SLC2A9: variants seen among roughly 807,000 people sequenced by gnomAD.
The protein encoded by SLC2A9 is solute carrier family 2 member 9.
SLC2A9 carries 39 observed loss-of-function variants against 50.6 expected under a neutral mutation model. The ratio of observed to expected loss-of-function variants is 0.77; its 90% CI spans 0.60 to 1.01. The LOEUF (loss-of-function observed/expected upper bound fraction) is 1.01, where lower values mean the gene tolerates loss of function less well. SLC2A9 is among the 50% of genes least tolerant of loss of function. The pLI is 0.00. For missense variants in SLC2A9, 686 were observed against 677.6 expected, an observed-to-expected ratio of 1.01 and a Z score of -0.14; for synonymous variants, 324 against 276.9, an observed-to-expected ratio of 1.17 and a Z score of -1.69.
intron 10 of SLC2A9, among the ~76,000 whole-genome samples, chr4:9,859,821 C>T (rs369186865): frequency 3.9e-5 from 6 of 152,238 alleles, no homozygotes; most frequent in Admixed American, 2.0e-4. Context: ...AGTCAGGGAG[C>T]GCCTGCTCTC....
At chr4:9,778,062 T>A (rs367687634), downstream of SLC2A9, among the ~76,000 whole-genome samples, 1 of 11,046 alleles carries the variant, frequency 9.1e-5, no homozygotes, top group African/African-American at 3.0e-4. Context: ...CTTTCCTTCC[T>A]TCCTTCCTTC....
chr4:10,035,763 G>A (rs1446584728), intron 1 of SLC2A9: 1 of 152,310 alleles, frequency 6.6e-6, no homozygotes, highest in Non-Finnish European at 1.5e-5. Context: ...AGAAAAAAAG[G>A]CATTTCTTTT....
chr4:9,918,500 A>AGGGG (rs1368388049), intron 7 of SLC2A9, among the ~76,000 whole-genome samples: 1 of 152,054 alleles, frequency 6.6e-6, no homozygotes, highest in Non-Finnish European at 1.5e-5. Context: ...GGGTGCTCTG[A>AGGGG]GGGGGACCTT....
chr4:9,941,468 T>G (rs768443610), intron 6 of SLC2A9, among the ~76,000 whole-genome samples: 6 of 152,214 alleles, frequency 3.9e-5, no homozygotes, highest in Non-Finnish European at 8.8e-5. Context: ...TGGTGTTCAC[T>G]CTGTGCTTGC....
chr4:9,980,764 T>C, intron 4 of SLC2A9, 27 bp from the exon 5 acceptor site: 1 of 1,614,104 alleles, frequency 6.2e-7, no homozygotes, highest in South Asian at 1.1e-5. Flanking sequence ...TAGCAGCAGT[T>C]AGAGAGGTGT....
At chr4:9,993,202 G>C (rs530935091) in intron 3 of SLC2A9, among the ~76,000 whole-genome samples, 1 of 152,326 alleles carries the variant, frequency 6.6e-6, no homozygotes, top group Admixed American at 6.5e-5. Context: ...AGATTTCAAA[G>C]CCCATGTGTG....
At chr4:10,016,412 T>G (rs1762614202) in intron 2 of SLC2A9, among the ~76,000 whole-genome samples, 1 of 152,090 alleles carries the variant, frequency 6.6e-6, no homozygotes, top group African/African-American at 2.4e-5. Context: ...GTCATGAGGG[T>G]GCACTGAGCT....
intron 10 of SLC2A9, among the ~76,000 whole-genome samples, chr4:9,878,043 G>A (rs79146062): frequency 6.8e-4 from 103 of 152,148 alleles, no homozygotes; most frequent in East Asian, 6.2e-3. Flanking sequence ...ACTGTGCCCT[G>A]TCCCTCTCCT....
At chr4:10,008,973 G>A (rs1761299438) in intron 2 of SLC2A9, among the ~76,000 whole-genome samples, 1 of 142,694 alleles carries the variant, frequency 7.0e-6, no homozygotes, top group African/African-American at 2.7e-5. Context: ...ACAAAAGCAA[G>A]AGTAAAACTG....
chr4:9,794,674 G>C (rs1405577412), downstream of SLC2A9, among the ~76,000 whole-genome samples: 3 of 152,160 alleles, frequency 2.0e-5, no homozygotes, highest in African/African-American at 7.2e-5. Flanking sequence ...AAACTCACAG[G>C]CTCTGAAGAT....
At chr4:9,976,660 C>A (rs1300896617) in intron 5 of SLC2A9, among the ~76,000 whole-genome samples, 2 of 152,320 alleles carry the variant, frequency 1.3e-5, no homozygotes, top group East Asian at 3.9e-4. Flanking sequence ...GAAGAGACAG[C>A]CTATAGGAAC....
chr4:10,039,405 T>G (rs905711121), intron 1 of SLC2A9, among the ~76,000 whole-genome samples: 1 of 152,244 alleles, frequency 6.6e-6, no homozygotes, highest in African/African-American at 2.4e-5. Flanking sequence ...CTGGAAGGTA[T>G]GCAAAAGCCA....
intron 10 of SLC2A9, among the ~76,000 whole-genome samples, chr4:9,857,803 C>A (rs928904244): frequency 5.3e-5 from 8 of 152,238 alleles, no homozygotes; most frequent in Non-Finnish European, 7.3e-5. Flanking sequence ...ACCCCCCAAA[C>A]AGACTGCCTT....
At chr4:9,787,001 T>A (rs566079993) in intron 3 of SLC2A9, among the ~76,000 whole-genome samples, 1 of 152,304 alleles carries the variant, frequency 6.6e-6, no homozygotes, top group South Asian at 2.1e-4. Context: ...CAGCTCCCTG[T>A]CCACAAGGCT....
intron 10 of SLC2A9, among the ~76,000 whole-genome samples, chr4:9,875,308 T>C (rs1242340213): frequency 6.8e-6 from 1 of 146,400 alleles, no homozygotes; most frequent in Non-Finnish European, 1.5e-5. Flanking sequence ...GGATGCTGTG[T>C]CTTTAGAAAT....
upstream of SLC2A9, among the ~76,000 whole-genome samples, chr4:10,026,220 G>A (rs1337490482): frequency 6.6e-6 from 1 of 152,068 alleles, no homozygotes; most frequent in Non-Finnish European, 1.5e-5. Flanking sequence ...TCCCACACTT[G>A]CCTTGTTGAT....
chr4:10,017,565 T>C (rs186133262), intron 2 of SLC2A9, among the ~76,000 whole-genome samples: 1 of 152,308 alleles, frequency 6.6e-6, no homozygotes, highest in East Asian at 1.9e-4. Context: ...CCTGCGCAAA[T>C]AGTGCTTAGA....
At chr4:9,951,190 C>T (rs555870774) in intron 5 of SLC2A9, among the ~76,000 whole-genome samples, 2 of 152,052 alleles carry the variant, frequency 1.3e-5, no homozygotes, top group African/African-American at 2.4e-5. Context: ...TTTACAGCAA[C>T]GTGGATGGAA....
chr4:9,852,616 T>C (rs547268795), intron 10 of SLC2A9, among the ~76,000 whole-genome samples: 1 of 152,148 alleles, frequency 6.6e-6, no homozygotes, highest in Non-Finnish European at 1.5e-5. Flanking sequence ...CTAAGCTTCA[T>C]AAACAAAGGA....
Sources: gnomAD v4.1 joint callset for allele counts (sites outside exome capture counted in the v4.1 genomes callset) on GRCh38, gnomAD v4.1.1 for gene constraint, MANE v1.5 for transcripts, NCBI Gene and HGNC (gene_info 2026-07-23, HGNC 2026-07-21) for gene names.